The following IER5 variants were observed in gnomAD, a reference collection of about 807,000 sequenced individuals.
IER5 encodes immediate early response gene 5 protein.
A neutral mutation model predicts 8.2 loss-of-function variants in IER5; 3 were observed. The ratio of observed to expected loss-of-function variants is 0.36; its 90% CI spans 0.17 to 0.94. The LOEUF is 0.94. Among genes scored for constraint, IER5 ranks in the 40% least tolerant of loss-of-function variants. The pLI is 0.43. For synonymous variants in IER5, 286 were observed against 230.1 expected (o/e 1.24, Z -2.20); for missense variants, 531 against 494.3 (o/e 1.07, Z -0.70).
rs771859465 is a variant in IER5 at position 181,089,120 on chromosome 1, G to A, written c.218G>A (p.Gly73Glu). The A allele has an allele frequency of 2.8e-6, 4 of 1,411,118 alleles. No homozygotes were observed. Among genetic ancestry groups the A allele is most frequent in the Admixed American group, 3.6e-5 (1 of 28,158 alleles). 87.4% of individuals were successfully genotyped at this position (1,411,118 alleles called of 1,614,324 possible). A position where few individuals can be genotyped will look rare whatever the true frequency, so the allele number is the denominator to read the frequency against. Residue 73 changes from glycine to glutamate, a missense_variant, in exon 1 of 1, where the codon GGG becomes GAG. Physicochemically the swap from Gly to Glu is moderately conservative, Grantham distance 98. Coordinates refer to ENST00000367577, the MANE Select transcript of IER5 (RefSeq NM_016545.5). ...GCGCCGCCACCGCAGCAGCAGCCCG[G>A]GGAGCCGGCGGCCGGGCCACCCGCC... ...TPAPPPQQQP[G>E]EPAAGPPAGW...
rs536537528 is a variant in IER5 at position 181,092,335 on chromosome 1, G to C, written c.*2449G>C. ...TTAAAGAATGTAAATTGGCATACTT[G>C]ATAGGAGGATAAAGCTTTGTAGGAA... On this transcript the variant is annotated 3_prime_UTR_variant, in exon 1 of 1. Transcript: ENST00000367577. 1 of 151,158 alleles carries C rather than the reference G, an allele frequency of 6.6e-6. No homozygotes were observed. Among genetic ancestry groups the C allele is most frequent in the Non-Finnish European group, 1.5e-5 (1 of 67,866 alleles). 9.4% of individuals were successfully genotyped at this position (151,158 alleles called of 1,614,324 possible).
Position 181,092,424 on chromosome 1 carries a change from C to T in IER5, c.*2538C>T, listed in dbSNP as rs994904579. 1 of 151,494 alleles carries T rather than the reference C, an allele frequency of 6.6e-6. No individual in the cohort carries two copies. The highest frequency in any genetic ancestry group is 2.4e-5 in the African/African-American group (1 of 41,250). The allele number at this position is 151,494 out of a possible 1,614,324, so 9.4% of individuals were successfully genotyped here. Reference sequence around the variant, plus strand: ...ATAGTATAGTAGTTAGAGCATGGGCCCTGGAGCCAGGCTGCTTGGTGTCTT... The same window carrying T: ...ATAGTATAGTAGTTAGAGCATGGGCTCTGGAGCCAGGCTGCTTGGTGTCTT... On this transcript the variant is annotated 3_prime_UTR_variant, in exon 1 of 1. Transcript: ENST00000367577.
At position 181,091,638 on chromosome 1, in the gene IER5, T is replaced by C. The variant is rs1273899010; in HGVS notation, c.*1752T>C. 1 of 152,262 alleles carries C rather than the reference T, an allele frequency of 6.6e-6. No homozygotes were observed. The highest frequency in any genetic ancestry group is 1.9e-4 in the East Asian group (1 of 5,204). 9.4% of individuals were successfully genotyped at this position (152,262 alleles called of 1,614,324 possible). A position where few individuals can be genotyped will look rare whatever the true frequency, so the allele number is the denominator to read the frequency against. On this transcript the variant is annotated 3_prime_UTR_variant, in exon 1 of 1. Coordinates refer to ENST00000367577, the MANE Select transcript of IER5 (RefSeq NM_016545.5). ...GAGTTTTTTGTCTCTTCATGTTCAA[T>C]GTTTGAAAGGTATTCAGTAATCTAT...
At position 181,088,865 on chromosome 1, in the gene IER5, G is replaced by A; in HGVS notation, c.-38G>A. On this transcript the variant is annotated 5_prime_UTR_variant, in exon 1 of 1. Coordinates refer to ENST00000367577, the MANE Select transcript of IER5 (RefSeq NM_016545.5). ...CCGTTCCCTCCCAATTTCCAAACGT[G>A]TCACCCCGGCGCCGACGGCCCTGTG... The A allele has an allele frequency of 6.2e-7, 1 of 1,600,970 alleles. No individual in the cohort carries two copies. The highest frequency in any genetic ancestry group is 8.5e-7 in the Non-Finnish European group (1 of 1,172,854).
Position 181,090,967 on chromosome 1 carries a change from T to A in IER5, c.*1081T>A, listed in dbSNP as rs555869362. The A allele has an allele frequency of 6.6e-6, 1 of 152,298 alleles. No homozygotes were observed. Among genetic ancestry groups the A allele is most frequent in the Non-Finnish European group, 1.5e-5 (1 of 68,026 alleles). The allele number at this position is 152,298 out of a possible 1,614,324, so 9.4% of individuals were successfully genotyped here. On this transcript the variant is annotated 3_prime_UTR_variant, in exon 1 of 1. Coordinates refer to ENST00000367577, the MANE Select transcript of IER5 (RefSeq NM_016545.5). Reference sequence around the variant, plus strand: ...TCAGTCATTCGCAGACTGAGGACATTGTTTACTGACTCCACTAAGTATCAA... The same window carrying A: ...TCAGTCATTCGCAGACTGAGGACATAGTTTACTGACTCCACTAAGTATCAA...
chr1:181,088,738 T>C lies in IER5; in HGVS notation c.-165T>C, dbSNP rs6425663. The C allele has an allele frequency of 3.6e-6, 2 of 562,640 alleles. No individual in the cohort carries two copies. Among genetic ancestry groups the C allele is most frequent in the East Asian group, 4.0e-5 (1 of 24,840 alleles). 34.9% of individuals were successfully genotyped at this position (562,640 alleles called of 1,614,324 possible). A position where few individuals can be genotyped will look rare whatever the true frequency, so the allele number is the denominator to read the frequency against. On this transcript the variant is annotated 5_prime_UTR_variant, in exon 1 of 1. Transcript: ENST00000367577. ...ACCCGAAACGGGGAAGTTGTCTTGT[T>C]TGGAGAGGTTAGTAGAGCAGCGCGC...
rs760143781 is a variant in IER5, at chr1:181,089,264, C to T, written c.362C>T (p.Thr121Met). 8.3e-6 allele frequency: 13 copies of T among 1,557,090 alleles called. No individual in the cohort carries two copies. The Admixed American group carries it at 1.5e-4, about 18-fold the overall frequency. ...PRVGDEVPVA[T>M]VTGVGDVFQG... ...GTAGGGGACGAGGTGCCGGTGGCCA[C>T]GGTGACTGGAGTCGGGGACGTTTTT... is the stretch of plus-strand genomic sequence containing the variant. Residue 121 changes from threonine (T) to methionine (M), a missense_variant, in exon 1 of 1, where the codon ACG (threonine) becomes ATG (methionine). Transcript: ENST00000367577.
Position 181,091,274 on chromosome 1 carries a change from A to T in IER5, c.*1388A>T, listed in dbSNP as rs2102435024. The T allele has an allele frequency of 6.6e-6, 1 of 152,302 alleles. No homozygotes were observed. The highest frequency in any genetic ancestry group is 2.4e-5 in the African/African-American group (1 of 41,576). 9.4% of individuals were successfully genotyped at this position (152,302 alleles called of 1,614,324 possible). On this transcript the variant is annotated 3_prime_UTR_variant, in exon 1 of 1. Transcript: ENST00000367577. ...TGTAATTGAAAAAAAAAAAGTTTAG[A>T]TAGTAGTTTACCTTAAAAGCCCATT...
rs145188643 is a variant in IER5, at chr1:181,089,307, C to T, written c.405C>T (p.Asp135=). Residue 135 remains aspartate (D), a synonymous_variant, in exon 1 of 1, where the codon GAC becomes GAT. Coordinates refer to ENST00000367577, the MANE Select transcript of IER5 (RefSeq NM_016545.5). ...VGDVFQGGEA[D]ATEAAWSRVE... Reference sequence around the variant, plus strand: ...ACGTTTTTCAGGGCGGAGAGGCGGACGCGACGGAAGCTGCCTGGAGCCGCG... The same window carrying T: ...ACGTTTTTCAGGGCGGAGAGGCGGATGCGACGGAAGCTGCCTGGAGCCGCG... 6.8e-5 allele frequency: 105 copies of T among 1,551,982 alleles called. No individual in the cohort carries two copies. The African/African-American group carries it at 1.4e-3, about 21-fold the overall frequency.
Position 181,088,745 on chromosome 1 carries a change from G to T in IER5, c.-158G>T. ...ACGGGGAAGTTGTCTTGTTTGGAGA[G>T]GTTAGTAGAGCAGCGCGCGCGTCAC... On this transcript the variant is annotated 5_prime_UTR_variant, in exon 1 of 1. In the 5' UTR this introduces an upstream ATG that the reference lacks. Coordinates refer to ENST00000367577, the MANE Select transcript of IER5 (RefSeq NM_016545.5). The T allele has an allele frequency of 1.6e-6, 1 of 608,964 alleles. No individual in the cohort carries two copies. The highest frequency in any genetic ancestry group is 2.8e-6 in the Non-Finnish European group (1 of 362,876). 37.7% of individuals were successfully genotyped at this position (608,964 alleles called of 1,614,324 possible).
At position 181,089,754 on chromosome 1, in the gene IER5, C is replaced by T; in HGVS notation, c.852C>T (p.Ser284=). The T allele has an allele frequency of 1.9e-6, 3 of 1,613,866 alleles. No homozygotes were observed. Among genetic ancestry groups the T allele is most frequent in the South Asian group, 1.1e-5 (1 of 91,072 alleles). The change falls in exon 1 of 1, where the codon AGC becomes AGT. Residue 284 remains serine (S), a synonymous_variant. Coordinates refer to ENST00000367577, the MANE Select transcript of IER5 (RefSeq NM_016545.5). ...GTTTCTCGGGACTCCTACGGAAAAGCCCCGGGGGCGGCAGAGAGGAAGAGG... is the reference window on the plus strand; with the variant it reads ...GTTTCTCGGGACTCCTACGGAAAAGTCCCGGGGGCGGCAGAGAGGAAGAGG... The part of the protein sequence containing the change: ...GSSFSGLLRK[S]PGGGREEEEG...
Position 181,089,277 on chromosome 1 carries a change from C to T in IER5, c.375C>T (p.Val125=), listed in dbSNP as rs764505955. The T allele has an allele frequency of 7.1e-6, 11 of 1,558,904 alleles. No individual in the cohort carries two copies. Among genetic ancestry groups the T allele is most frequent in the South Asian group, 1.2e-5 (1 of 85,782 alleles). ...TGCCGGTGGCCACGGTGACTGGAGTCGGGGACGTTTTTCAGGGCGGAGAGG... is the reference window on the plus strand; with the variant it reads ...TGCCGGTGGCCACGGTGACTGGAGTTGGGGACGTTTTTCAGGGCGGAGAGG... ...DEVPVATVTG[V]GDVFQGGEAD... Residue 125 remains valine (V), a synonymous_variant, in exon 1 of 1, where the codon GTC becomes GTT. Coordinates refer to ENST00000367577, the MANE Select transcript of IER5 (RefSeq NM_016545.5).
chr1:181,088,834 C>G lies in IER5; in HGVS notation c.-69C>G, dbSNP rs1659390306. 1 of 1,372,668 alleles carries G rather than the reference C, an allele frequency of 7.3e-7. No individual in the cohort carries two copies. The highest frequency in any genetic ancestry group is 2.0e-5 in the Admixed American group (1 of 50,774). The allele number at this position is 1,372,668 out of a possible 1,614,324, so 85.0% of individuals were successfully genotyped here. On this transcript the variant is annotated 5_prime_UTR_variant, in exon 1 of 1. Coordinates refer to ENST00000367577, the MANE Select transcript of IER5 (RefSeq NM_016545.5). ...TGTGCCCAGGGGGCGGACTTGTTTG[C>G]GCCTCCCGTTCCCTCCCAATTTCCA...
Position 181,091,571 on chromosome 1 carries a change from C to T in IER5, c.*1685C>T, listed in dbSNP as rs1659477657. ...ATGGTAGACACTTAGGTGATGATAG[C>T]CAAAACATCCATCGATTTTACTAAA... On this transcript the variant is annotated 3_prime_UTR_variant, in exon 1 of 1. Coordinates refer to ENST00000367577, the MANE Select transcript of IER5 (RefSeq NM_016545.5). 2 of 152,192 alleles carry T rather than the reference C, an allele frequency of 1.3e-5. No individual in the cohort carries two copies. Among genetic ancestry groups the T allele is most frequent in the African/African-American group, 4.8e-5 (2 of 41,436 alleles). 9.4% of individuals were successfully genotyped at this position (152,192 alleles called of 1,614,324 possible).
rs567282555 is a variant in IER5, at chr1:181,089,697, C to T, written c.795C>T (p.Asn265=). The T allele has an allele frequency of 3.8e-5, 61 of 1,613,636 alleles. 1 individual carries two copies. The South Asian group carries it at 5.7e-4, about 15-fold the overall frequency. The change falls in exon 1 of 1, where the codon AAC becomes AAT. Residue 265 remains asparagine, a synonymous_variant. Coordinates refer to ENST00000367577, the MANE Select transcript of IER5 (RefSeq NM_016545.5). ...DDDAEEMETG[N]VANLISIFGS... is the part of the protein sequence containing the mutation. ...ACGCGGAGGAGATGGAGACCGGGAA[C>T]GTGGCTAACCTCATCAGCATCTTCG...
chr1:181,089,856 C>A lies in IER5; in HGVS notation c.954C>A (p.Asn318Lys). Residue 318 changes from asparagine to lysine, a missense_variant, in exon 1 of 1, where the codon AAC (asparagine) becomes AAA (lysine). Physicochemically the swap from Asn to Lys is moderately conservative, Grantham distance 94. Coordinates refer to ENST00000367577, the MANE Select transcript of IER5 (RefSeq NM_016545.5). Reference protein sequence around the residue: ...CCDKPVLRDMNPWSTAIVAF With the variant: ...CCDKPVLRDMKPWSTAIVAF ...ATAAGCCGGTGCTGAGAGACATGAA[C>A]CCCTGGAGCACAGCCATCGTGGCCT... The A allele has an allele frequency of 1.9e-6, 3 of 1,613,146 alleles. No homozygotes were observed. The highest frequency in any genetic ancestry group is 2.5e-6 in the Non-Finnish European group (3 of 1,179,854).
chr1:181,090,307 T>C lies in IER5; in HGVS notation c.*421T>C, dbSNP rs546855511. ...TCGTTCTCCGGGGAGGGAGGGACTT[T>C]ACACCTACCCCTCACCGGAAAGCTA... On this transcript the variant is annotated 3_prime_UTR_variant, in exon 1 of 1. Transcript: ENST00000367577. 2.8e-5 allele frequency: 6 copies of C among 215,308 alleles called. No homozygotes were observed. The highest frequency in any genetic ancestry group is 2.1e-3 in the Middle Eastern group (1 of 474). 13.3% of individuals were successfully genotyped at this position (215,308 alleles called of 1,614,324 possible). A position where few individuals can be genotyped will look rare whatever the true frequency, so the allele number is the denominator to read the frequency against.
chr1:181,089,522 AGCCCCCCGC>A lies in IER5; in HGVS notation c.624_632del (p.Pro211_Ala213del). The A allele has an allele frequency of 3.9e-6, 5 of 1,289,810 alleles. No homozygotes were observed. The highest frequency in any genetic ancestry group is 1.6e-5 in the African/African-American group (1 of 63,824). The allele number at this position is 1,289,810 out of a possible 1,614,324, so 79.9% of individuals were successfully genotyped here. A position where few individuals can be genotyped will look rare whatever the true frequency, so the allele number is the denominator to read the frequency against. On this transcript the variant is annotated inframe_deletion, in exon 1 of 1. Transcript: ENST00000367577. ...TGCGCGCCGCAACCAGCGGAGGACGAGCCCCCCGCGCCGCCCGCGGTGTGCCCCAGGAAG... is the reference window on the plus strand; with the variant it reads ...TGCGCGCCGCAACCAGCGGAGGACGAGCCGCCCGCGGTGTGCCCCAGGAAG...
Position 181,088,809 on chromosome 1 carries a change from T to G in IER5, c.-94T>G. On this transcript the variant is annotated 5_prime_UTR_variant, in exon 1 of 1. Transcript: ENST00000367577. ...CTTCGGAGTCTTAGGTGATCGAGGG[T>G]GTGCCCAGGGGGCGGACTTGTTTGC... 3.4e-5 allele frequency: 28 copies of G among 817,204 alleles called. No individual in the cohort carries two copies. Among genetic ancestry groups the G allele is most frequent in the Non-Finnish European group, 4.1e-5 (22 of 530,464 alleles). 50.6% of individuals were successfully genotyped at this position (817,204 alleles called of 1,614,324 possible). A position where few individuals can be genotyped will look rare whatever the true frequency, so the allele number is the denominator to read the frequency against.
Sources: allele counts gnomAD v4.1 joint callset, GRCh38; gene constraint gnomAD v4.1.1; transcripts MANE v1.5; gene names NCBI Gene and HGNC (gene_info 2026-07-23, HGNC 2026-07-21).